The following IWS1 variants were observed in gnomAD, a reference collection of about 807,000 sequenced individuals.
The protein encoded by IWS1 is interacts with SUPT6H, CTD assembly factor 1.
IWS1 carries 27 observed loss-of-function variants against 86.7 expected under a neutral mutation model. That is an observed-to-expected ratio of 0.31 (90% confidence interval 0.23 to 0.43). The LOEUF (loss-of-function observed/expected upper bound fraction) is 0.43, where lower values mean the gene tolerates loss of function less well. Ranked by LOEUF, IWS1 falls within the 20% of genes least tolerant of loss-of-function variation. IWS1 has a pLI of 1.00. For missense variants in IWS1, 827 were observed against 1,000.8 expected (o/e 0.83, Z 2.34); for synonymous variants, 313 against 335.1 (o/e 0.93, Z 0.72).
rs972772000 is a variant in IWS1, at chr2:127,489,054, C to T, written c.2216+125G>A. On this transcript the variant is annotated intron_variant, in intron 12 of 13. Coordinates refer to ENST00000295321, the MANE Select transcript of IWS1 (RefSeq NM_017969.3). This position sits in a 1 kb window ranked among gnomAD's most constrained non-coding sequence, Gnocchi z 4.8. ...AATACAATGCTTTGTAGATACTAAA[C>T]GTTAAAATGAAAGTCACCTCCCACA... is the stretch of plus-strand genomic sequence containing the variant. The T allele has an allele frequency of 1.1e-5, 7 of 659,044 alleles. No individual in the cohort carries two copies. The highest frequency in any genetic ancestry group is 1.8e-5 in the African/African-American group (1 of 54,890). The allele number at this position is 659,044 out of a possible 1,614,324, so 40.8% of individuals were successfully genotyped here. A position where few individuals can be genotyped will look rare whatever the true frequency, so the allele number is the denominator to read the frequency against.
intron 9 of IWS1, 193 bp downstream of exon 9, chr2:127,493,088 C>T (rs998540700): frequency 2.3e-5 from 10 of 434,284 alleles, no homozygotes; most frequent in Admixed American, 8.8e-5. Context: ...CCCTTCAATG[C>T]GATAGTTACA....
intron 13 of IWS1, chr2:127,482,716 G>C (rs1689697502): frequency 6.6e-6 from 1 of 152,194 alleles, no homozygotes; most frequent in African/African-American, 2.4e-5. Context: ...GGGCCAGTGG[G>C]TTACAAAATA....
intron 2 of IWS1, among the ~76,000 whole-genome samples, chr2:127,521,837 TA>T (rs1206969928): frequency 1.3e-5 from 2 of 152,080 alleles, no homozygotes; most frequent in Admixed American, 1.3e-4. Flanking sequence ...ATCCATATTA[TA>T]AAAAAACAAA....
intron 10 of IWS1, among the ~76,000 whole-genome samples, chr2:127,490,368 T>C (rs1480824813): frequency 6.6e-6 from 1 of 152,218 alleles, no homozygotes; most frequent in Non-Finnish European, 1.5e-5. Flanking sequence ...ACAACTACCT[T>C]ACAAAATGGT....
chr2:127,481,888 C>A (rs1317663084), intron 13 of IWS1, among the ~76,000 whole-genome samples: 1 of 152,106 alleles, frequency 6.6e-6, no homozygotes, highest in Non-Finnish European at 1.5e-5. Flanking sequence ...TCACAAGCAA[C>A]TAGATTTACA....
At chr2:127,494,607 C>G (rs1281226309) in intron 8 of IWS1, 2 of 238,694 alleles carry the variant, frequency 8.4e-6, no homozygotes, top group Non-Finnish European at 1.6e-5. Context: ...ACCAAAAAAA[C>G]AAAAACAAAA....
chr2:127,488,394 C>A (rs1690047735), intron 12 of IWS1, among the ~76,000 whole-genome samples: 1 of 152,220 alleles, frequency 6.6e-6, no homozygotes, highest in South Asian at 2.1e-4. Context: ...AAATCTACTT[C>A]TCCCTCCATT....
At chr2:127,493,547 C>A in intron 8 of IWS1, 137 bp from the exon 9 acceptor site, 1 of 732,504 alleles carries the variant, frequency 1.4e-6, no homozygotes, top group Non-Finnish European at 2.1e-6. Context: ...TTACTGAACA[C>A]CATTCTGGTT....
At chr2:127,496,982 C>T (rs1329423905) in intron 6 of IWS1, among the ~76,000 whole-genome samples, 2 of 152,178 alleles carry the variant, frequency 1.3e-5, no homozygotes, top group African/African-American at 4.8e-5. Flanking sequence ...CAGGTTTGTA[C>T]CCTAGGTGCG....
chr2:127,507,770 C>T (rs1205190061), intron 2 of IWS1, among the ~76,000 whole-genome samples: 2 of 152,250 alleles, frequency 1.3e-5, no homozygotes, highest in South Asian at 2.1e-4. Context: ...AGGTAGAGTT[C>T]GAGCATTCCT....
chr2:127,527,291 C>T (rs763602966), upstream of IWS1, among the ~76,000 whole-genome samples: 1 of 152,118 alleles, frequency 6.6e-6, no homozygotes, highest in Non-Finnish European at 1.5e-5. Flanking sequence ...ACAGACCTTC[C>T]AAATTCCCGC....
intron 2 of IWS1, among the ~76,000 whole-genome samples, chr2:127,508,397 T>C (rs1691260987): frequency 6.6e-6 from 1 of 152,168 alleles, no homozygotes; most frequent in African/African-American, 2.4e-5. Context: ...ATGCAGTTTG[T>C]GATGGCTGAG....
At chr2:127,509,806 T>A (rs570126823) in intron 2 of IWS1, among the ~76,000 whole-genome samples, 1 of 147,560 alleles carries the variant, frequency 6.8e-6, no homozygotes, top group South Asian at 2.3e-4. Flanking sequence ...TTATCCATCA[T>A]AATAAACAAT....
intron 1 of IWS1, among the ~76,000 whole-genome samples, chr2:127,524,624 CA>C (rs1692289304): frequency 6.6e-6 from 1 of 151,356 alleles, no homozygotes; most frequent in Non-Finnish European, 1.5e-5. Context: ...CTGCAACCTC[CA>C]CCCCCCCGGG....
At chr2:127,526,148 G>A (rs1444379078) in intron 1 of IWS1, 27 bp downstream of exon 1, 2 of 1,587,348 alleles carry the variant, frequency 1.3e-6, no homozygotes, top group East Asian at 2.3e-5. Context: ...CCGCCTCCCA[G>A]CCCGGTCCCC....
rs1298036780 is a variant in IWS1 at position 127,505,896 on chromosome 2, G to A, written c.151-144C>T. ...AGAATTCTTGTCCTATACCCATATA[G>A]AAACACCCCCACAGAAAGCCAATCA... On this transcript the variant is annotated intron_variant, in intron 2 of 13. Transcript: ENST00000295321. This position sits in a 1 kb window ranked among gnomAD's most constrained non-coding sequence, Gnocchi z 5.0. 1 of 552,988 alleles carries A rather than the reference G, an allele frequency of 1.8e-6. No individual in the cohort carries two copies. The highest frequency in any genetic ancestry group is 3.0e-5 in the South Asian group (1 of 33,518). 34.3% of individuals were successfully genotyped at this position (552,988 alleles called of 1,614,324 possible).
At chr2:127,527,174 C>G (rs529029894), upstream of IWS1, among the ~76,000 whole-genome samples, 10 of 152,318 alleles carry the variant, frequency 6.6e-5, no homozygotes, top group Non-Finnish European at 1.5e-4. Context: ...TAAAGAACCA[C>G]CCGTCTCCAT....
At chr2:127,512,967 C>T (rs1322290939) in intron 2 of IWS1, among the ~76,000 whole-genome samples, 1 of 152,304 alleles carries the variant, frequency 6.6e-6, no homozygotes, top group East Asian at 1.9e-4. Context: ...TGGTGGGGCA[C>T]CATGGCTCAC....
At chr2:127,490,415 G>A (rs1427334497) in intron 10 of IWS1, among the ~76,000 whole-genome samples, 1 of 152,132 alleles carries the variant, frequency 6.6e-6, no homozygotes, top group Non-Finnish European at 1.5e-5. Flanking sequence ...TAGTGCGGGT[G>A]GAGACTTTGT....
Sources: allele counts gnomAD v4.1 joint callset (sites outside exome capture counted in the v4.1 genomes callset), GRCh38; gene constraint gnomAD v4.1.1; non-coding constraint Gnocchi (gnomAD v3.1); transcripts MANE v1.5; gene names NCBI Gene and HGNC (gene_info 2026-07-23, HGNC 2026-07-21).